CPS1: variants seen among roughly 807,000 people sequenced by gnomAD.
The protein encoded by CPS1 is carbamoyl-phosphate synthase [ammonia], mitochondrial.
A neutral mutation model predicts 174.6 loss-of-function variants in CPS1; 109 were observed. The observed-to-expected ratio is 0.62, with a 90% CI of 0.53 to 0.73. The LOEUF is 0.73. CPS1 is among the 30% of genes least tolerant of loss of function. CPS1 has a pLI of 0.00. For missense variants in CPS1, 1,689 were observed against 1,821.9 expected (o/e 0.93, Z 1.33); for synonymous variants, 637 against 632.0 (o/e 1.01, Z -0.12).
intron 6 of CPS1, among the ~76,000 whole-genome samples, chr2:210,584,956 T>C (rs1698057861): frequency 1.3e-5 from 2 of 152,086 alleles, no homozygotes; most frequent in African/African-American, 4.8e-5. Context: ...TGCTTTCTCC[T>C]TCCCCTTCTC....
intron 1 of CPS1, among the ~76,000 whole-genome samples, chr2:210,565,151 A>G (rs1299041849): frequency 1.3e-5 from 2 of 152,166 alleles, no homozygotes; most frequent in African/African-American, 4.8e-5. Context: ...GCAATTACAT[A>G]TACATAGGAA....
At chr2:210,650,207 C>T (rs960381515) in intron 27 of CPS1, among the ~76,000 whole-genome samples, 156 bp from the exon 28 acceptor site, 1 of 152,154 alleles carries the variant, frequency 6.6e-6, no homozygotes, top group Non-Finnish European at 1.5e-5. Flanking sequence ...GGTTGATTGT[C>T]CTGGTGATTA....
intron 9 of CPS1, 80 bp from the exon 10 acceptor site, chr2:210,591,751 T>A: frequency 6.7e-7 from 1 of 1,494,238 alleles, no homozygotes; most frequent in East Asian, 2.3e-5. Context: ...CTTTACTTGT[T>A]CACTACTTTA....
At chr2:210,662,984 C>A in intron 32 of CPS1, 139 bp from the exon 33 acceptor site, 1 of 837,506 alleles carries the variant, frequency 1.2e-6, no homozygotes, top group Non-Finnish European at 1.9e-6. Flanking sequence ...GATGCTTGGA[C>A]CCAAGAGATT....
intron 1 of CPS1, among the ~76,000 whole-genome samples, chr2:210,500,305 C>T (rs1318319832): frequency 6.6e-6 from 1 of 152,240 alleles, no homozygotes; most frequent in South Asian, 2.1e-4. Flanking sequence ...CCTCAAATTT[C>T]AAAACACAAT....
chr2:210,617,394 T>G (rs1455307194), intron 21 of CPS1, among the ~76,000 whole-genome samples: 5 of 151,920 alleles, frequency 3.3e-5, no homozygotes. Context: ...GAAGGAAAAA[T>G]TTTGTTTGTA....
intron 8 of CPS1, 116 bp downstream of exon 8, chr2:210,590,350 T>C: frequency 6.8e-7 from 1 of 1,460,860 alleles, no homozygotes; most frequent in Non-Finnish European, 9.6e-7. Context: ...TGCTGGTATT[T>C]GTGACTTCTG....
chr2:210,647,840 G>A, intron 25 of CPS1, 23 bp from the exon 26 acceptor site: 1 of 1,612,930 alleles, frequency 6.2e-7, no homozygotes, highest in Non-Finnish European at 8.5e-7. Context: ...TCCAATGGCT[G>A]ATATTGTGAG....
intron 13 of CPS1, among the ~76,000 whole-genome samples, chr2:210,596,721 A>G (rs1698494090): frequency 1.3e-5 from 2 of 151,976 alleles, no homozygotes; most frequent in South Asian, 4.1e-4. Flanking sequence ...TTAGTACACA[A>G]TCTAAGTGTG....
chr2:210,651,685 C>A (rs1251233245), intron 28 of CPS1, among the ~76,000 whole-genome samples: 2 of 152,050 alleles, frequency 1.3e-5, no homozygotes, highest in African/African-American at 4.8e-5. Context: ...CCATATGGGA[C>A]CAAAGTTTAA....
At chr2:210,653,692 G>A (rs1700623361) in intron 28 of CPS1, among the ~76,000 whole-genome samples, 1 of 152,148 alleles carries the variant, frequency 6.6e-6, no homozygotes, top group African/African-American at 2.4e-5. Flanking sequence ...AAATATTCAT[G>A]ATTCTGACAG....
At chr2:210,611,967 A>C in intron 19 of CPS1, 150 bp from the exon 20 acceptor site, 1 of 650,376 alleles carries the variant, frequency 1.5e-6, no homozygotes, top group Non-Finnish European at 2.5e-6. Context: ...AAAAAAAGGA[A>C]CACCTTTTTT....
chr2:210,525,562 G>A (rs1439563385), intron 1 of CPS1, among the ~76,000 whole-genome samples: 2 of 151,632 alleles, frequency 1.3e-5, no homozygotes, highest in Admixed American at 6.6e-5. Context: ...GTTAGAGTGG[G>A]GAAGGTAAAA....
chr2:210,568,045 A>C (rs1697358613), intron 1 of CPS1, among the ~76,000 whole-genome samples: 2 of 152,142 alleles, frequency 1.3e-5, no homozygotes, highest in Non-Finnish European at 2.9e-5. Context: ...GGGATACAGC[A>C]TGGAATTAGG....
chr2:210,653,204 G>T (rs1700610586), intron 28 of CPS1, among the ~76,000 whole-genome samples: 1 of 152,136 alleles, frequency 6.6e-6, no homozygotes. Flanking sequence ...TGAATGCAGG[G>T]CCTGGTAAAA....
chr2:210,591,158 C>T (rs1233802543), intron 9 of CPS1, among the ~76,000 whole-genome samples: 1 of 151,962 alleles, frequency 6.6e-6, no homozygotes, highest in East Asian at 1.9e-4. Flanking sequence ...TTTTGGAAAG[C>T]AGCCTTCTCT....
chr2:210,592,226 A>T (rs1415818165), intron 10 of CPS1, among the ~76,000 whole-genome samples: 1 of 152,028 alleles, frequency 6.6e-6, no homozygotes, highest in East Asian at 1.9e-4. Context: ...ATTCACCCAG[A>T]GTTTTTAAAT....
chr2:210,480,513 C>G (rs370986129), intron 1 of CPS1, among the ~76,000 whole-genome samples: 6 of 152,204 alleles, frequency 3.9e-5, no homozygotes, highest in South Asian at 2.1e-4. Context: ...TTGCCTCTAA[C>G]CTCCTAGCAA....
At chr2:210,648,680 T>C in intron 27 of CPS1, 140 bp downstream of exon 27, 1 of 769,976 alleles carries the variant, frequency 1.3e-6, no homozygotes. Flanking sequence ...TCACAGCCAG[T>C]TTAAGGACCA....
Sources: allele counts gnomAD v4.1 joint callset (sites outside exome capture counted in the v4.1 genomes callset), GRCh38; gene constraint gnomAD v4.1.1; transcripts MANE v1.5; gene names NCBI Gene and HGNC (gene_info 2026-07-23, HGNC 2026-07-21).